The following NRG3 variants were observed in gnomAD, a reference collection of about 807,000 sequenced individuals.
The protein encoded by NRG3 is pro-neuregulin-3, membrane-bound isoform.
A neutral mutation model predicts 66.9 loss-of-function variants in NRG3; 31 were observed. The observed-to-expected ratio is 0.46, with a 90% CI of 0.35 to 0.63. NRG3 has a LOEUF of 0.63. NRG3 is among the 20% of genes least tolerant of loss of function. The pLI, the probability that NRG3 is intolerant of heterozygous loss-of-function variation, is 0.00. For missense variants in NRG3, 910 were observed against 878.9 expected (o/e 1.04, Z -0.45); for synonymous variants, 393 against 359.4 (o/e 1.09, Z -1.06).
chr10:82,077,414 C>G (rs1315835967), intron 1 of NRG3, among the ~76,000 whole-genome samples: 1 of 152,174 alleles, frequency 6.6e-6, no homozygotes, highest in Non-Finnish European at 1.5e-5. Context: ...AAATTCCACT[C>G]AGTTTAACAA....
chr10:82,534,073 A>G (rs2790711), intron 2 of NRG3, among the ~76,000 whole-genome samples: 57,843 of 151,938 alleles, frequency 0.38, 13,061 homozygotes, highest in African/African-American at 0.63. Context: ...CTAAGAAGGT[A>G]AATTACTTGT....
chr10:82,524,248 T>C (rs183808480), intron 2 of NRG3, among the ~76,000 whole-genome samples: 5 of 152,068 alleles, frequency 3.3e-5, no homozygotes, highest in Admixed American at 2.6e-4. Flanking sequence ...AAAATAGCAA[T>C]ATGGTTGTGA....
chr10:81,988,165 G>A (rs2060597227), intron 1 of NRG3, among the ~76,000 whole-genome samples: 1 of 152,172 alleles, frequency 6.6e-6, no homozygotes, highest in Non-Finnish European at 1.5e-5. Flanking sequence ...TTACAGAAAT[G>A]CTCTGAAATA....
chr10:82,762,059 T>C (rs2059349932), intron 3 of NRG3, among the ~76,000 whole-genome samples: 1 of 151,588 alleles, frequency 6.6e-6, no homozygotes, highest in African/African-American at 2.4e-5. Context: ...TCTCTTTCTT[T>C]CTTTCTTTTT....
chr10:82,760,153 CT>C (rs36079306), intron 3 of NRG3, among the ~76,000 whole-genome samples: 1 of 152,070 alleles, frequency 6.6e-6, no homozygotes, highest in African/African-American at 2.4e-5. Context: ...GCATGGGAAC[CT>C]TTTTGCCTGA....
At chr10:82,017,025 G>T (rs749690348) in intron 1 of NRG3, among the ~76,000 whole-genome samples, 14 of 152,120 alleles carry the variant, frequency 9.2e-5, no homozygotes, top group Non-Finnish European at 1.2e-4. Flanking sequence ...ATGTTGGTGT[G>T]CTGCATCCAT....
At chr10:82,426,879 G>A (rs2089482768) in intron 2 of NRG3, among the ~76,000 whole-genome samples, 1 of 152,026 alleles carries the variant, frequency 6.6e-6, no homozygotes, top group Admixed American at 6.6e-5. Flanking sequence ...TCGAACTCCT[G>A]GGTTCAAGCA....
At chr10:82,390,537 A>ATC (rs2086286326) in intron 2 of NRG3, among the ~76,000 whole-genome samples, 1 of 152,102 alleles carries the variant, frequency 6.6e-6, no homozygotes, top group African/African-American at 2.4e-5. Flanking sequence ...CGTGACACTC[A>ATC]TTGTTTACAC....
Position 82,281,347 on chromosome 10 carries a change from G to A in NRG3, c.824-77392G>A, listed in dbSNP as rs189613571. ...AGAATTTATCCCTAGTAAAGAGATG[G>A]ATAGGAACTTACTAGAACAACAGGA... On this transcript the variant is annotated intron_variant, in intron 1 of 8. Coordinates refer to ENST00000372141, the MANE Select transcript of NRG3 (RefSeq NM_001010848.4). Among the ~76,000 whole-genome samples the A allele has an allele frequency of 5.9e-5, 9 of 152,228 alleles. No homozygotes were observed. In the East Asian group the frequency reaches 1.7e-3, roughly 29 times the overall value.
intron 2 of NRG3, among the ~76,000 whole-genome samples, chr10:82,511,772 A>G (rs1343363178): frequency 1.3e-5 from 2 of 152,132 alleles, no homozygotes; most frequent in East Asian, 1.9e-4. Flanking sequence ...AACAAGGGAA[A>G]GGGGAAGAGT....
intron 2 of NRG3, among the ~76,000 whole-genome samples, chr10:82,690,868 T>A (rs540354957): frequency 6.6e-6 from 1 of 152,158 alleles, no homozygotes. Flanking sequence ...AAAATAAAGT[T>A]TATCTCATAT....
At chr10:82,572,008 G>T (rs1454096539) in intron 2 of NRG3, among the ~76,000 whole-genome samples, 1 of 151,332 alleles carries the variant, frequency 6.6e-6, no homozygotes, top group South Asian at 2.1e-4. Context: ...ACTGTTTTAA[G>T]TATTTATTAC....
At chr10:82,005,147 T>C (rs932521) in intron 1 of NRG3, among the ~76,000 whole-genome samples, 147,490 of 152,314 alleles carry the variant, frequency 0.97, 71,444 homozygotes, top group East Asian at 1. Flanking sequence ...CACAAAGTGT[T>C]GTAGATCTTT....
chr10:82,502,297 T>C (rs1425829462), intron 2 of NRG3, among the ~76,000 whole-genome samples: 2 of 152,166 alleles, frequency 1.3e-5, no homozygotes, highest in African/African-American at 2.4e-5. Flanking sequence ...TGTGAACCTG[T>C]TCAGGTCAGC....
chr10:82,370,185 G>T (rs1230303941), intron 2 of NRG3, among the ~76,000 whole-genome samples: 2 of 139,028 alleles, frequency 1.4e-5, no homozygotes, highest in Non-Finnish European at 3.0e-5. Context: ...TTGCCCAGTG[G>T]CTCAGAAGAA....
chr10:82,952,706 A>AT (rs1243338024), intron 5 of NRG3, among the ~76,000 whole-genome samples: 3 of 151,706 alleles, frequency 2.0e-5, no homozygotes, highest in Admixed American at 1.3e-4. Flanking sequence ...TGGACCTATA[A>AT]TTTTTTACCA....
intron 1 of NRG3, among the ~76,000 whole-genome samples, chr10:82,089,262 A>G (rs2065896609): frequency 1.3e-5 from 2 of 151,674 alleles, no homozygotes; most frequent in South Asian, 4.1e-4. Flanking sequence ...TTTTGTTAAA[A>G]TAGTGGCCTT....
At position 82,349,203 on chromosome 10, in the gene NRG3, C is replaced by G. The variant is rs1012754172; in HGVS notation, c.824-9536C>G. Among the ~76,000 whole-genome samples, 9 of 150,374 alleles carry G rather than the reference C, an allele frequency of 6.0e-5. No homozygotes were observed. In the South Asian group the frequency reaches 6.3e-4, roughly 10 times the overall value. On this transcript the variant is annotated intron_variant, in intron 1 of 8. Coordinates refer to ENST00000372141, the MANE Select transcript of NRG3 (RefSeq NM_001010848.4). ...TTCCCCATCTTTGTGGTTTTATCTA[C>G]TTTTGGTCTTTGATGATGGTGATGT... is the stretch of plus-strand genomic sequence containing the variant.
chr10:82,344,504 A>T (rs1161111970), intron 1 of NRG3, among the ~76,000 whole-genome samples: 1 of 147,230 alleles, frequency 6.8e-6, no homozygotes, highest in East Asian at 2.0e-4. Context: ...TGCTATTGTG[A>T]ATAATGCCGC....
Sources: gnomAD v4.1 joint callset for allele counts (sites outside exome capture counted in the v4.1 genomes callset) on GRCh38, gnomAD v4.1.1 for gene constraint, MANE v1.5 for transcripts, NCBI Gene and HGNC (gene_info 2026-07-23, HGNC 2026-07-21) for gene names.